CTNNA2: variants seen among roughly 807,000 people sequenced by gnomAD.
CTNNA2 encodes the protein catenin alpha-2.
CTNNA2 carries 42 observed loss-of-function variants against 101.0 expected under a neutral mutation model. The observed-to-expected ratio is 0.42, with a 90% confidence interval of 0.32 to 0.54. The LOEUF is 0.54. Among genes scored for constraint, CTNNA2 ranks in the 20% least tolerant of loss-of-function variants. The pLI is 0.14. For missense variants in CTNNA2, 871 were observed against 1,223.1 expected (o/e 0.71, Z 4.29); for synonymous variants, 450 against 456.4 (o/e 0.99, Z 0.18).
intron 3 of CTNNA2, among the ~76,000 whole-genome samples, chr2:79,850,310 C>T (rs565832490): frequency 1.7e-4 from 17 of 101,544 alleles, no homozygotes; most frequent in Admixed American, 4.9e-4. Flanking sequence ...CCCCTCCCTT[C>T]CTTTCTTCCT....
Position 79,850,220 on chromosome 2 carries a change from G to A in CTNNA2, c.299-7793G>A, listed in dbSNP as rs1270059734. On this transcript the variant is annotated intron_variant, in intron 3 of 18. Coordinates refer to ENST00000402739, the MANE Select transcript of CTNNA2 (RefSeq NM_001282597.3). ...TCCTTTCTTCCTTCATCCCTCCCTC[G>A]CTCCCTCTGTATCTCTCTCCCTCTG... Among the ~76,000 whole-genome samples, 7 of 91,390 alleles carry A rather than the reference G, an allele frequency of 7.7e-5. No homozygotes were observed. The Admixed American group carries it at 9.6e-4, about 13-fold the overall frequency. 60.0% of individuals were successfully genotyped at this position (91,390 alleles called of 152,430 possible). A position where few individuals can be genotyped will look rare whatever the true frequency, so the allele number is the denominator to read the frequency against.
chr2:79,460,362 T>C (rs1448971071), intron 4 of CTNNA2, among the ~76,000 whole-genome samples: 1 of 152,100 alleles, frequency 6.6e-6, no homozygotes, highest in Non-Finnish European at 1.5e-5. Context: ...ACTCAAAATC[T>C]CCCCTTTTTT....
chr2:80,121,267 C>T (rs1009689444), intron 7 of CTNNA2, among the ~76,000 whole-genome samples: 9 of 152,128 alleles, frequency 5.9e-5, no homozygotes, highest in African/African-American at 1.9e-4. Flanking sequence ...TCAGCTCTAC[C>T]ACTTATTAGT....
At chr2:80,116,516 G>A (rs1041917747) in intron 7 of CTNNA2, among the ~76,000 whole-genome samples, 1 of 152,096 alleles carries the variant, frequency 6.6e-6, no homozygotes, top group Non-Finnish European at 1.5e-5. Context: ...GTGGGAATTT[G>A]TGTTTGTACA....
Position 80,288,903 on chromosome 2 carries a change from T to C in CTNNA2, c.1057-104308T>C, listed in dbSNP as rs545484624. On this transcript the variant is annotated intron_variant, in intron 7 of 18. Coordinates refer to ENST00000402739, the MANE Select transcript of CTNNA2 (RefSeq NM_001282597.3). ...TCGCTGCTGAATGTGTTGCTGGATTTTGCTGCAGTTCAGTGCTGCTTGGCT... is the reference window on the plus strand; with the variant it reads ...TCGCTGCTGAATGTGTTGCTGGATTCTGCTGCAGTTCAGTGCTGCTTGGCT... 11 of 152,346 alleles carry C rather than the reference T, an allele frequency of 7.2e-5. No homozygotes were observed. The East Asian group carries it at 2.1e-3, about 29-fold the overall frequency. The allele number at this position is 152,346 out of a possible 1,614,324, so 9.4% of individuals were successfully genotyped here. A position where few individuals can be genotyped will look rare whatever the true frequency, so the allele number is the denominator to read the frequency against.
intron 7 of CTNNA2, among the ~76,000 whole-genome samples, chr2:80,014,905 A>C (rs1694035827): frequency 6.6e-6 from 1 of 152,168 alleles, no homozygotes. Flanking sequence ...TAATCACCTC[A>C]AGATGGGGAA....
At chr2:79,313,702 A>C (rs985761009) in intron 3 of CTNNA2, among the ~76,000 whole-genome samples, 1 of 152,188 alleles carries the variant, frequency 6.6e-6, no homozygotes, top group Non-Finnish European at 1.5e-5. Flanking sequence ...GGACTCTGAC[A>C]GAAACATGCA....
intron 4 of CTNNA2, among the ~76,000 whole-genome samples, chr2:79,491,867 A>G (rs1671209539): frequency 6.6e-6 from 1 of 152,090 alleles, no homozygotes; most frequent in Non-Finnish European, 1.5e-5. Context: ...TGATTCAAGT[A>G]CCTCTATATG....
At chr2:79,442,567 G>A (rs1262952207) in intron 4 of CTNNA2, among the ~76,000 whole-genome samples, 2 of 152,044 alleles carry the variant, frequency 1.3e-5, no homozygotes, top group Non-Finnish European at 1.5e-5. Context: ...CTGTCCTTGC[G>A]GTTAAACTGA....
intron 7 of CTNNA2, among the ~76,000 whole-genome samples, chr2:80,050,425 C>T (rs1488030575): frequency 1.3e-5 from 2 of 152,164 alleles, no homozygotes. Flanking sequence ...TGTGGCTAAT[C>T]ATTTTCCCCT....
intron 3 of CTNNA2, among the ~76,000 whole-genome samples, chr2:79,367,830 A>G (rs1677782897): frequency 1.3e-5 from 2 of 152,304 alleles, no homozygotes; most frequent in Admixed American, 6.5e-5. Context: ...AGCAATTTAC[A>G]TGGATTATCT....
chr2:80,260,670 A>C (rs1310317714), intron 7 of CTNNA2, among the ~76,000 whole-genome samples: 1 of 152,220 alleles, frequency 6.6e-6, no homozygotes, highest in Non-Finnish European at 1.5e-5. Flanking sequence ...CCAGAGACTG[A>C]GAAATCGTCA....
At chr2:79,620,538 T>C (rs1282822713) in intron 1 of CTNNA2, among the ~76,000 whole-genome samples, 2 of 152,238 alleles carry the variant, frequency 1.3e-5, no homozygotes, top group Non-Finnish European at 2.9e-5. Context: ...TTCACATTAG[T>C]GCCTGATGTC....
intron 2 of CTNNA2, among the ~76,000 whole-genome samples, chr2:79,310,523 C>T (rs1281606289): frequency 6.6e-6 from 1 of 152,208 alleles, no homozygotes; most frequent in Non-Finnish European, 1.5e-5. Context: ...CTCAAGACTA[C>T]TGAAGAAATC....
intron 1 of CTNNA2, among the ~76,000 whole-genome samples, chr2:79,594,443 C>T (rs1318254796): frequency 2.0e-5 from 3 of 152,118 alleles, no homozygotes; most frequent in Non-Finnish European, 2.9e-5. Flanking sequence ...AATAATGGCT[C>T]CTACCTTATA....
chr2:79,892,930 G>C (rs1269749055), intron 6 of CTNNA2, among the ~76,000 whole-genome samples: 1 of 152,108 alleles, frequency 6.6e-6, no homozygotes, highest in African/African-American at 2.4e-5. Flanking sequence ...TAAAGAAAGA[G>C]TTTCTTCTTA....
At chr2:80,259,478 G>A (rs1672427662) in intron 7 of CTNNA2, among the ~76,000 whole-genome samples, 1 of 152,202 alleles carries the variant, frequency 6.6e-6, no homozygotes, top group Non-Finnish European at 1.5e-5. Flanking sequence ...GCCTCCAGTA[G>A]TGAGCTGTCA....
At position 79,502,015 on chromosome 2, in the gene CTNNA2, G is replaced by A. The variant is rs538289070; in HGVS notation, c.-134-3039G>A. ...AAGGCCCTGCAATTACCTCCCCTAA[G>A]GAAGTTACTTTCAAGTGGATGCCTG... On this transcript the variant is annotated intron_variant, in intron 4 of 21. Coordinates refer to the CTNNA2 transcript ENST00000466387. Among the ~76,000 whole-genome samples the A allele has an allele frequency of 3.8e-4, 57 of 148,734 alleles. No individual in the cohort carries two copies. In the Middle Eastern group the frequency reaches 0.014, roughly 36 times the overall value.
intron 2 of CTNNA2, among the ~76,000 whole-genome samples, chr2:79,210,022 C>A (rs1674150649): frequency 6.6e-6 from 1 of 150,984 alleles, no homozygotes; most frequent in Non-Finnish European, 1.5e-5. Flanking sequence ...GAATTATGAC[C>A]ATCCACTGTT....
Sources: gnomAD v4.1 joint callset for allele counts (sites outside exome capture counted in the v4.1 genomes callset) on GRCh38, gnomAD v4.1.1 for gene constraint, MANE v1.5 for transcripts, NCBI Gene and HGNC (gene_info 2026-07-23, HGNC 2026-07-21) for gene names.